The following MEIS1 variants were observed in gnomAD, a reference collection of about 807,000 sequenced individuals.
MEIS1 encodes Meis homeobox 1.
MEIS1 carries 5 observed loss-of-function variants against 50.8 expected under a neutral mutation model. The observed-to-expected ratio is 0.10, with a 90% CI of 0.05 to 0.21. The LOEUF is 0.21. Among genes scored for constraint, MEIS1 ranks in the 10% least tolerant of loss-of-function variants. The probability of loss-of-function intolerance (pLI) is 1.00; values close to 1 mark genes in which losing one functional copy is unlikely to be tolerated. For missense variants in MEIS1, 318 were observed against 517.3 expected (o/e 0.61, Z 3.74); for synonymous variants, 176 against 179.3 (o/e 0.98, Z 0.15).
intron 7 of MEIS1, among the ~76,000 whole-genome samples, chr2:66,470,012 G>GGAAAAAA (rs1672730280): frequency 1.3e-5 from 2 of 151,960 alleles, no homozygotes; most frequent in African/African-American, 2.4e-5. Context: ...AAGGAAAATG[G>GGAAAAAA]TTACAAACGG....
intron 8 of MEIS1, among the ~76,000 whole-genome samples, chr2:66,541,299 A>C (rs964721567): frequency 3.3e-5 from 5 of 152,088 alleles, no homozygotes; most frequent in Non-Finnish European, 1.5e-5. Context: ...GGCCTCCCAA[A>C]GTACTGGGAT....
At chr2:66,493,111 A>T (rs758668334) in intron 7 of MEIS1, among the ~76,000 whole-genome samples, 5 of 152,242 alleles carry the variant, frequency 3.3e-5, no homozygotes, top group Non-Finnish European at 7.3e-5. Context: ...ATGATATTCA[A>T]ACTTTAAATT....
chr2:66,440,680 C>G, intron 4 of MEIS1, 68 bp downstream of exon 4: 1 of 1,110,198 alleles, frequency 9.0e-7, no homozygotes, highest in Non-Finnish European at 1.3e-6. Context: ...ACGCCCTCAG[C>G]TTTGCTTTGA....
intron 7 of MEIS1, among the ~76,000 whole-genome samples, chr2:66,481,608 T>G (rs775348647): frequency 1.3e-5 from 2 of 152,200 alleles, no homozygotes; most frequent in Non-Finnish European, 2.9e-5. Flanking sequence ...TTTTCAATCC[T>G]GGTACCTTGA....
chr2:66,478,049 GCTGT>G (rs1672935496), intron 7 of MEIS1, among the ~76,000 whole-genome samples: 1 of 152,148 alleles, frequency 6.6e-6, no homozygotes, highest in Non-Finnish European at 1.5e-5. Flanking sequence ...TACATTGAAA[GCTGT>G]CTTTCAAAGT....
intron 8 of MEIS1, among the ~76,000 whole-genome samples, chr2:66,526,783 A>T (rs1463464445): frequency 1.3e-5 from 2 of 152,232 alleles, no homozygotes; most frequent in African/African-American, 4.8e-5. Context: ...ATATACATAC[A>T]TATAGCTACC....
intron 8 of MEIS1, among the ~76,000 whole-genome samples, chr2:66,531,440 G>A (rs563082879): frequency 5.3e-5 from 8 of 152,226 alleles, no homozygotes; most frequent in Admixed American, 2.0e-4. Context: ...GCTAAGTAGC[G>A]AAATAAATAA....
chr2:66,461,859 T>G (rs1378516445), intron 6 of MEIS1: 1 of 470,416 alleles, frequency 2.1e-6, no homozygotes, highest in Non-Finnish European at 4.4e-6. Context: ...AATTAAGTGG[T>G]GGATGAAGAA....
intron 1 of MEIS1, 93 bp downstream of exon 1, chr2:66,435,961 C>A: frequency 8.4e-7 from 1 of 1,189,050 alleles, no homozygotes; most frequent in Non-Finnish European, 1.1e-6. Context: ...TTTTTTCTCT[C>A]TCTCTTTTAA....
intron 7 of MEIS1, chr2:66,495,952 A>C (rs1233011489): frequency 6.6e-6 from 1 of 152,518 alleles, no homozygotes; most frequent in Non-Finnish European, 1.5e-5. Context: ...AGGCCAATTC[A>C]GAAGTCAGGC....
intron 7 of MEIS1, among the ~76,000 whole-genome samples, chr2:66,484,433 A>T (rs191788947): frequency 6.6e-6 from 1 of 152,118 alleles, no homozygotes; most frequent in Non-Finnish European, 1.5e-5. Flanking sequence ...AAAGTGCTTA[A>T]ATTTTTTATA....
intron 8 of MEIS1, among the ~76,000 whole-genome samples, chr2:66,535,861 T>G (rs1674505161): frequency 6.6e-6 from 1 of 152,166 alleles, no homozygotes; most frequent in Non-Finnish European, 1.5e-5. Context: ...TAAGATAAAA[T>G]ATAGTGCTGA....
chr2:66,443,286 T>C, intron 6 of MEIS1: 1 of 485,930 alleles, frequency 2.1e-6, no homozygotes, highest in East Asian at 3.9e-5. Context: ...CTTGACCTGT[T>C]TCTTGTCGCT....
chr2:66,533,529 T>C, intron 8 of MEIS1, among the ~76,000 whole-genome samples: 1 of 152,300 alleles, frequency 6.6e-6, no homozygotes, highest in Admixed American at 6.5e-5. Context: ...GTGTCTTTTT[T>C]TAACACTCTT....
At chr2:66,499,507 A>T (rs1226135289) in intron 7 of MEIS1, among the ~76,000 whole-genome samples, 1 of 151,994 alleles carries the variant, frequency 6.6e-6, no homozygotes, top group Admixed American at 6.6e-5. Flanking sequence ...ACCTTCTTAC[A>T]GGAAAGCAGA....
chr2:66,442,634 C>A, intron 5 of MEIS1: 2 of 386,496 alleles, frequency 5.2e-6, no homozygotes, highest in Non-Finnish European at 9.1e-6. Flanking sequence ...GACCACAGCC[C>A]CAGGAGCAGA....
rs570384231 is a variant in MEIS1, at chr2:66,489,411, A to G, written c.743-22738A>G. Among the ~76,000 whole-genome samples, 5 of 152,346 alleles carry G rather than the reference A, an allele frequency of 3.3e-5. No homozygotes were observed. In the South Asian group the frequency reaches 1.0e-3, roughly 32 times the overall value. On this transcript the variant is annotated intron_variant, in intron 7 of 12. Coordinates refer to ENST00000272369, the MANE Select transcript of MEIS1 (RefSeq NM_002398.3). ...ATATTTCAACAGGCAGATGAAGGACAGTTTTTCAGGTTGATTCTTAATATA... is the reference window on the plus strand; with the variant it reads ...ATATTTCAACAGGCAGATGAAGGACGGTTTTTCAGGTTGATTCTTAATATA...
intron 8 of MEIS1, among the ~76,000 whole-genome samples, chr2:66,541,883 T>C (rs1481141470): frequency 1.3e-5 from 2 of 152,190 alleles, no homozygotes; most frequent in Admixed American, 6.5e-5. Flanking sequence ...GCACAAAGTG[T>C]CTCTTTGATA....
intron 7 of MEIS1, among the ~76,000 whole-genome samples, chr2:66,469,837 C>A (rs1033573213): frequency 1.3e-5 from 2 of 151,972 alleles, no homozygotes; most frequent in African/African-American, 4.8e-5. Context: ...ACTACCGTAG[C>A]GACTCAGGTT....
Sources: allele counts gnomAD v4.1 joint callset (sites outside exome capture counted in the v4.1 genomes callset), GRCh38; gene constraint gnomAD v4.1.1; transcripts MANE v1.5; gene names NCBI Gene and HGNC (gene_info 2026-07-23, HGNC 2026-07-21).